The following SHISA6 variants were observed in gnomAD, a reference collection of about 807,000 sequenced individuals.
SHISA6 encodes shisa family member 6, also known as protein shisa-6.
SHISA6 carries 22 observed loss-of-function variants against 47.9 expected under a neutral mutation model. That is an observed-to-expected ratio of 0.46 (90% CI 0.33 to 0.66). The LOEUF (loss-of-function observed/expected upper bound fraction) is 0.66, where lower values mean the gene tolerates loss of function less well. Among genes scored for constraint, SHISA6 ranks in the 30% least tolerant of loss-of-function variants. SHISA6 has a pLI of 0.02. For synonymous variants in SHISA6, 388 were observed against 337.8 expected (o/e 1.15, Z -1.63); for missense variants, 680 against 764.6 (o/e 0.89, Z 1.30).
At chr17:11,499,686 T>TCTTTCTTTCTTTC (rs1238524160) in intron 3 of SHISA6, among the ~76,000 whole-genome samples, 1 of 143,728 alleles carries the variant, frequency 7.0e-6, no homozygotes, top group Admixed American at 6.8e-5. Flanking sequence ...TTTCTTTCTT[T>TCTTTCTTTCTTTC]TTTTTTTTTT....
At chr17:11,362,641 T>C (rs1381069135) in intron 2 of SHISA6, among the ~76,000 whole-genome samples, 1 of 152,244 alleles carries the variant, frequency 6.6e-6, no homozygotes, top group Non-Finnish European at 1.5e-5. Flanking sequence ...ACCAAATTTC[T>C]AAAACGAGGA....
intron 3 of SHISA6, among the ~76,000 whole-genome samples, chr17:11,535,794 C>T (rs964891871): frequency 6.6e-6 from 1 of 152,170 alleles, no homozygotes; most frequent in African/African-American, 2.4e-5. Flanking sequence ...TGTAAATGAG[C>T]TCACAGACTT....
chr17:11,350,182 A>ATTTTTTTTTTTTTTTT, intron 2 of SHISA6, among the ~76,000 whole-genome samples: 1 of 116,270 alleles, frequency 8.6e-6, no homozygotes, highest in African/African-American at 3.3e-5. Context: ...TTATTTATTT[A>ATTTTTTTTTTTTTTTT]TTTTTTTTTT....
At chr17:11,426,206 G>T (rs1169130794) in intron 3 of SHISA6, among the ~76,000 whole-genome samples, 1 of 152,198 alleles carries the variant, frequency 6.6e-6, no homozygotes. Flanking sequence ...AGTGACAGAA[G>T]GTGAAAGGGA....
At chr17:11,252,195 G>A (rs1392766086) in intron 1 of SHISA6, among the ~76,000 whole-genome samples, 2 of 152,134 alleles carry the variant, frequency 1.3e-5, no homozygotes, top group East Asian at 1.9e-4. Flanking sequence ...ACCTCTGGGC[G>A]GCTAGAACCT....
At chr17:11,244,297 A>G (rs1327776133) in intron 1 of SHISA6, among the ~76,000 whole-genome samples, 1 of 152,060 alleles carries the variant, frequency 6.6e-6, no homozygotes, top group Non-Finnish European at 1.5e-5. Context: ...GGAAACCATC[A>G]TATCCGTGCC....
At chr17:11,305,906 A>G (rs145017626) in intron 2 of SHISA6, among the ~76,000 whole-genome samples, 207 of 152,162 alleles carry the variant, frequency 1.4e-3, no homozygotes, top group African/African-American at 4.7e-3. Flanking sequence ...AGAGAAAGGG[A>G]GAAGGCATTA....
At position 11,379,524 on chromosome 17, in the gene SHISA6, AT is replaced by A; in HGVS notation, c.895+21del. 2 of 1,509,398 alleles carry A rather than the reference AT, an allele frequency of 1.3e-6. No homozygotes were observed. Among genetic ancestry groups the A allele is most frequent in the East Asian group, 2.6e-5 (1 of 38,554 alleles). 93.5% of individuals were successfully genotyped at this position (1,509,398 alleles called of 1,614,324 possible). A position where few individuals can be genotyped will look rare whatever the true frequency, so the allele number is the denominator to read the frequency against. ...ACACACCAAGGGTACAGTGGAAACCATTTTTTACTAAAATACAGAGGTTGCC... is the reference window on the plus strand; with the variant it reads ...ACACACCAAGGGTACAGTGGAAACCATTTTTACTAAAATACAGAGGTTGCC... On this transcript the variant is annotated intron_variant, in intron 3 of 5. Coordinates refer to ENST00000441885, the MANE Select transcript of SHISA6 (RefSeq NM_207386.4).
intron 3 of SHISA6, among the ~76,000 whole-genome samples, chr17:11,484,132 T>C (rs1916286331): frequency 6.6e-6 from 1 of 152,160 alleles, no homozygotes; most frequent in African/African-American, 2.4e-5. Flanking sequence ...TGAAATCCAA[T>C]GAATTATCCC....
intron 2 of SHISA6, among the ~76,000 whole-genome samples, chr17:11,270,069 G>A (rs191375556): frequency 2.0e-5 from 3 of 152,184 alleles, no homozygotes; most frequent in Admixed American, 1.3e-4. Flanking sequence ...TCCACCTCCC[G>A]GGTTCAAGAG....
At chr17:11,441,651 A>G (rs1243173507) in intron 3 of SHISA6, among the ~76,000 whole-genome samples, 1 of 152,214 alleles carries the variant, frequency 6.6e-6, no homozygotes, top group Non-Finnish European at 1.5e-5. Context: ...GGAGGAAAAG[A>G]TAGTTCTAGA....
At chr17:11,473,332 T>C (rs1915973652) in intron 3 of SHISA6, among the ~76,000 whole-genome samples, 1 of 152,228 alleles carries the variant, frequency 6.6e-6, no homozygotes, top group Admixed American at 6.5e-5. Flanking sequence ...TTTTAATTAG[T>C]AAAGAATAGA....
rs140113809 is a variant in SHISA6 at position 11,353,890 on chromosome 17, C to T, written c.800-25524C>T. 4.0e-4 allele frequency among the ~76,000 whole-genome samples: 61 copies of T among 152,176 alleles called. 1 individual carries two copies. The East Asian group carries it at 5.0e-3, about 13-fold the overall frequency. On this transcript the variant is annotated intron_variant, in intron 2 of 5. Coordinates refer to ENST00000441885, the MANE Select transcript of SHISA6 (RefSeq NM_207386.4). ...TTCATGTTTAAATAATAATTTCAGG[C>T]GAACTGTGAGGAAGACAGGGAAAAG...
chr17:11,422,699 GT>G (rs1234716694), intron 3 of SHISA6, among the ~76,000 whole-genome samples: 1 of 150,824 alleles, frequency 6.6e-6, no homozygotes, highest in Non-Finnish European at 1.5e-5. Context: ...TGAGGCAAAA[GT>G]TGCAGTGATC....
chr17:11,354,208 T>A (rs1787935757), intron 2 of SHISA6, among the ~76,000 whole-genome samples: 1 of 152,180 alleles, frequency 6.6e-6, no homozygotes, highest in Non-Finnish European at 1.5e-5. Context: ...CAAATGTTGA[T>A]GTGCACAGGA....
At chr17:11,357,324 A>G (rs932456411) in intron 2 of SHISA6, among the ~76,000 whole-genome samples, 2 of 151,908 alleles carry the variant, frequency 1.3e-5, no homozygotes, top group Admixed American at 6.6e-5. Context: ...ACTTTTTGTC[A>G]TTTAATTTCT....
intron 1 of SHISA6, among the ~76,000 whole-genome samples, chr17:11,245,267 G>A (rs1386390966): frequency 6.6e-6 from 1 of 152,226 alleles, no homozygotes; most frequent in East Asian, 1.9e-4. Context: ...GAGCCCCAGG[G>A]CAGCCGTGCC....
intron 2 of SHISA6, among the ~76,000 whole-genome samples, chr17:11,359,571 C>T (rs949759258): frequency 2.6e-5 from 4 of 152,150 alleles, no homozygotes; most frequent in Non-Finnish European, 5.9e-5. Context: ...TTGCGTGTGA[C>T]TTTGAAGTGT....
intron 2 of SHISA6, chr17:11,288,457 C>G (rs1267463226): frequency 6.6e-6 from 1 of 152,000 alleles, no homozygotes; most frequent in East Asian, 1.9e-4. Context: ...TCCTCCTTCT[C>G]TCACTAATTA....
Sources: gnomAD v4.1 joint callset for allele counts (sites outside exome capture counted in the v4.1 genomes callset) on GRCh38, gnomAD v4.1.1 for gene constraint, MANE v1.5 for transcripts, NCBI Gene and HGNC (gene_info 2026-07-23, HGNC 2026-07-21) for gene names.